Variants in ANK2 observed in about 807,000 individuals in gnomAD.
ANK2 encodes the protein ankyrin 2.
In ANK2, 83 loss-of-function variants were observed where a neutral mutation model predicts 360.5. The ratio of observed to expected loss-of-function variants is 0.23; its 90% CI spans 0.19 to 0.28. The LOEUF is 0.28. Among genes scored for constraint, ANK2 ranks in the 10% least tolerant of loss-of-function variants. ANK2 has a pLI of 1.00. For missense variants in ANK2, 4,201 were observed against 4,795.7 expected (o/e 0.88, Z 3.66); for synonymous variants, 1,740 against 1,759.5 (o/e 0.99, Z 0.28).
chr4:112,932,491 CAA>C (rs750709290), intron 2 of ANK2, among the ~76,000 whole-genome samples: 44 of 54,610 alleles, frequency 8.1e-4, no homozygotes, highest in African/African-American at 2.3e-3. Flanking sequence ...GACTCCGTCT[CAA>C]AAAAAAAAAA....
At chr4:113,037,479 G>A (rs1196370203) in intron 2 of ANK2, among the ~76,000 whole-genome samples, 2 of 151,864 alleles carry the variant, frequency 1.3e-5, no homozygotes, top group African/African-American at 2.4e-5. Flanking sequence ...GCTGGCAAAA[G>A]TTATTTTTTT....
chr4:113,332,301 G>A (rs548130965), intron 28 of ANK2, among the ~76,000 whole-genome samples: 4 of 152,004 alleles, frequency 2.6e-5, no homozygotes, highest in East Asian at 1.9e-4. Flanking sequence ...CTTCATTTTC[G>A]TTTAAGCATG....
chr4:112,960,940 C>A (rs573785661), intron 2 of ANK2, among the ~76,000 whole-genome samples: 5 of 152,174 alleles, frequency 3.3e-5, no homozygotes, highest in African/African-American at 1.2e-4. Flanking sequence ...AGATACTTTA[C>A]AAATAATCAG....
Position 113,358,375 on chromosome 4 carries a change from C to G in ANK2, c.9757C>G (p.Gln3253Glu), listed in dbSNP as rs746961451. Residue 3253 changes from glutamine (Q) to glutamate (E), a missense_variant, in exon 38 of 46, where the codon CAA (glutamine) becomes GAA (glutamate). Gln to Glu is a conservative substitution (Grantham distance 29). Coordinates refer to ENST00000357077, the MANE Select transcript of ANK2 (RefSeq NM_001148.6). The stretch of plus-strand genomic sequence containing the variant: ...CCCCGACTCTTCTGAACCAGCTGTA[C>G]AAGTCCAGTTAGATTTTTCCACACT... ...SCPDSSEPAV[Q>E]VQLDFSTLTR... The G allele has an allele frequency of 1.2e-5, 19 of 1,613,978 alleles. No homozygotes were observed. Among genetic ancestry groups the G allele is most frequent in the Non-Finnish European group, 2.5e-6 (3 of 1,179,980 alleles).
In ANK2 at chr4:113,110,794, T is replaced by C. The variant is rs28572028; in HGVS notation, c.84+60982T>C. Among the ~76,000 whole-genome samples, 1,252 of 152,268 alleles carry C rather than the reference T, an allele frequency of 8.2e-3. 23 individuals carry two copies. The highest frequency in any genetic ancestry group is 0.029 in the African/African-American group (1,197 of 41,556). On this transcript the variant is annotated intron_variant, in intron 1 of 45. Transcript: ENST00000357077. ...CACAGGACTTTACTAGCCATAGAAT[T>C]GGTTGTTGGAATTGCTGAAAGTGTT...
At chr4:112,819,752 AC>A (rs1206168278) in intron 1 of ANK2, among the ~76,000 whole-genome samples, 1 of 152,028 alleles carries the variant, frequency 6.6e-6, no homozygotes, top group African/African-American at 2.4e-5. Flanking sequence ...AGATCCTCCC[AC>A]CCCACCCTAC....
intron 2 of ANK2, among the ~76,000 whole-genome samples, chr4:113,024,105 A>G (rs2058740970): frequency 6.6e-6 from 1 of 152,198 alleles, no homozygotes; most frequent in Admixed American, 6.6e-5. Context: ...AGCACAGTAC[A>G]TAGGCTCATA....
chr4:112,735,871 G>A, the ANK2 span, among the ~76,000 whole-genome samples: 1 of 151,956 alleles, frequency 6.6e-6, no homozygotes, highest in South Asian at 2.1e-4. Context: ...GGTAACTACT[G>A]TTCTTTATAT....
the ANK2 span, among the ~76,000 whole-genome samples, chr4:112,801,400 A>G: frequency 5.9e-5 from 9 of 152,336 alleles, no homozygotes; most frequent in South Asian, 1.4e-3. Flanking sequence ...AGATCCTACC[A>G]TGTCCTTATT....
At chr4:112,779,749 T>A in the ANK2 span, among the ~76,000 whole-genome samples, 1 of 152,226 alleles carries the variant, frequency 6.6e-6, no homozygotes, top group Non-Finnish European at 1.5e-5. Context: ...TGTTCAGTTG[T>A]CTTCTTGCCT....
chr4:113,051,768 A>G (rs28453140), intron 1 of ANK2, among the ~76,000 whole-genome samples: 5,091 of 152,190 alleles, frequency 0.033, 259 homozygotes, highest in African/African-American at 0.11. Flanking sequence ...TTAATTTCTC[A>G]TTTAATGAAT....
chr4:112,802,956 G>T, the ANK2 span, among the ~76,000 whole-genome samples: 1 of 152,070 alleles, frequency 6.6e-6, no homozygotes, highest in African/African-American at 2.4e-5. Context: ...TGCTCAACTG[G>T]TACTCACTGG....
chr4:113,309,610 C>T (rs1244910905), intron 23 of ANK2, among the ~76,000 whole-genome samples: 1 of 152,110 alleles, frequency 6.6e-6, no homozygotes, highest in Non-Finnish European at 1.5e-5. Context: ...CCTCGACTTC[C>T]TGGGCTCAAG....
chr4:112,881,693 T>A, intron 1 of ANK2: 6 of 498,624 alleles, frequency 1.2e-5, no homozygotes, highest in Non-Finnish European at 2.2e-5. Context: ...ACAAACACAG[T>A]TCTCGAGTTT....
chr4:113,131,938 G>A (rs951535212), intron 1 of ANK2, among the ~76,000 whole-genome samples: 3 of 152,134 alleles, frequency 2.0e-5, no homozygotes, highest in South Asian at 2.1e-4. Context: ...GGGCTCAAAG[G>A]CTTTTTTCTT....
At chr4:113,142,741 G>T (rs13126726) in intron 1 of ANK2, among the ~76,000 whole-genome samples, 3 of 151,716 alleles carry the variant, frequency 2.0e-5, no homozygotes, top group Admixed American at 1.3e-4. Flanking sequence ...AAGAAAGAGG[G>T]GGGTAGAAGA....
chr4:112,839,224 T>C (rs780256241), intron 1 of ANK2, among the ~76,000 whole-genome samples: 62 of 152,210 alleles, frequency 4.1e-4, no homozygotes, highest in Non-Finnish European at 8.5e-4. Flanking sequence ...GTACTTTCAT[T>C]CACAGGTCCC....
At chr4:113,182,884 T>C (rs1017965039) in intron 2 of ANK2, among the ~76,000 whole-genome samples, 3 of 152,176 alleles carry the variant, frequency 2.0e-5, no homozygotes, top group Non-Finnish European at 4.4e-5. Context: ...AAGAAGGCTT[T>C]CTTTGTAATA....
At chr4:113,293,374 G>A (rs1331615069) in intron 21 of ANK2, 66 bp from the exon 22 acceptor site, 3 of 1,378,494 alleles carry the variant, frequency 2.2e-6, no homozygotes, top group African/African-American at 2.9e-5. Flanking sequence ...CAGCGGGTGA[G>A]CTCATTGGCT....
Sources: allele counts gnomAD v4.1 joint callset (sites outside exome capture counted in the v4.1 genomes callset), GRCh38; gene constraint gnomAD v4.1.1; transcripts MANE v1.5; gene names NCBI Gene and HGNC (gene_info 2026-07-23, HGNC 2026-07-21).